SEMA4A: variants seen among roughly 807,000 people sequenced by gnomAD.
The protein encoded by SEMA4A is semaphorin-4A.
Under a neutral mutation model 72.5 loss-of-function variants are expected in SEMA4A, and 52 were observed. The ratio of observed to expected loss-of-function variants is 0.72; its 90% confidence interval spans 0.57 to 0.90. SEMA4A has a LOEUF of 0.90. SEMA4A is among the 40% of genes least tolerant of loss of function. The pLI is 0.00. For missense variants in SEMA4A, 926 were observed against 959.7 expected (o/e 0.96, Z 0.46); for synonymous variants, 369 against 393.1 (o/e 0.94, Z 0.73).
chr1:156,163,124 T>C, intron 10 of SEMA4A, 30 bp downstream of exon 10: 1 of 1,613,200 alleles, frequency 6.2e-7, no homozygotes, highest in Non-Finnish European at 8.5e-7. Context: ...CTGAGCACAG[T>C]CTACACATAC....
intron 11 of SEMA4A, among the ~76,000 whole-genome samples, chr1:156,173,570 A>C (rs886412462): frequency 1.2e-4 from 18 of 152,038 alleles, no homozygotes; most frequent in African/African-American, 4.1e-4. Context: ...AGGCGGCCAG[A>C]GTCCAGGACA....
intron 8 of SEMA4A, 156 bp downstream of exon 8, chr1:156,161,185 C>T (rs1184978821): frequency 6.4e-6 from 2 of 312,148 alleles, no homozygotes; most frequent in African/African-American, 3.5e-5. Context: ...CGGGGCTGGG[C>T]GGGTGGGGCG....
At chr1:156,169,650 G>C (rs1008308831) in intron 10 of SEMA4A, among the ~76,000 whole-genome samples, 3 of 150,304 alleles carry the variant, frequency 2.0e-5, no homozygotes, top group Non-Finnish European at 4.4e-5. Context: ...TCGATCTCCT[G>C]ACCTCGTGAT....
chr1:156,167,908 T>TTTTTTTGTTTGTTTG (rs1654326191), intron 10 of SEMA4A, among the ~76,000 whole-genome samples: 1 of 125,842 alleles, frequency 7.9e-6, no homozygotes, highest in Admixed American at 8.1e-5. Flanking sequence ...TTCCTCTTAG[T>TTTTTTTGTTTGTTTG]TTTTTTGTTT....
In SEMA4A at chr1:156,156,432, T is replaced by C; in HGVS notation, c.158T>C (p.Leu53Pro). 1 of 1,614,132 alleles carries C rather than the reference T, an allele frequency of 6.2e-7. No homozygotes were observed. The highest frequency in any genetic ancestry group is 8.5e-7 in the Non-Finnish European group (1 of 1,179,978). The change falls in exon 3 of 15, where the codon CTT becomes CCT. Residue 53 changes from leucine to proline, a missense_variant. Transcript: ENST00000368285. ...CCAACAGGGGATGAACGTAGGGCAC[T>C]TAGCTTCTTCCACCAGAAGGGCCTC... The part of the protein sequence containing the change: ...RYYAGDERRA[L>P]SFFHQKGLQD...
intron 8 of SEMA4A, 73 bp from the exon 9 acceptor site, chr1:156,161,273 G>T: frequency 1.0e-6 from 1 of 961,388 alleles, no homozygotes; most frequent in Non-Finnish European, 1.5e-6. Context: ...CGAGCTGCGG[G>T]GGGCGGGGAG....
At position 156,175,217 on chromosome 1, in the gene SEMA4A, C is replaced by G; in HGVS notation, c.1566C>G (p.Thr522=). 6.2e-7 allele frequency: 1 copy of G among 1,613,326 alleles called. No individual in the cohort carries two copies. Among genetic ancestry groups the G allele is most frequent in the Non-Finnish European group, 8.5e-7 (1 of 1,179,498 alleles). The change falls in exon 13 of 15, where the codon ACC becomes ACG. Residue 522 remains threonine, a synonymous_variant. Transcript: ENST00000368285. ...PHCAWDPESR[T]CCLLSAPNLN... is the part of the protein sequence containing the mutation. ...GTGCCTGGGACCCTGAGTCCCGAACCTGTTGCCTCCTGTCTGCCCCCAACC... is the reference window on the plus strand; with the variant it reads ...GTGCCTGGGACCCTGAGTCCCGAACGTGTTGCCTCCTGTCTGCCCCCAACC...
rs553325628 is a variant in SEMA4A at position 156,172,225 on chromosome 1, C to G, written c.1135-601C>G. Among the ~76,000 whole-genome samples the G allele has an allele frequency of 8.1e-4, 124 of 152,206 alleles. 1 individual carries two copies. The highest frequency in any genetic ancestry group is 9.8e-4 in the Non-Finnish European group (67 of 68,028). ...CTCTGCCTTCTGGGTTCAAGTGATTCTCCTGCCTCAGCCTTCTAAGTAGCT... is the reference window on the plus strand; with the variant it reads ...CTCTGCCTTCTGGGTTCAAGTGATTGTCCTGCCTCAGCCTTCTAAGTAGCT... On this transcript the variant is annotated intron_variant, in intron 10 of 14. Coordinates refer to ENST00000368285, the MANE Select transcript of SEMA4A (RefSeq NM_022367.4).
At chr1:156,159,295 C>T (rs1206120995) in intron 6 of SEMA4A, among the ~76,000 whole-genome samples, 2 of 152,132 alleles carry the variant, frequency 1.3e-5, no homozygotes, top group East Asian at 1.9e-4. Context: ...GATCGCGCCA[C>T]TGCACTCCAG....
rs777396925 is a variant in SEMA4A at position 156,176,522 on chromosome 1, C to T, written c.1811C>T (p.Thr604Ile). The T allele has an allele frequency of 3.7e-6, 6 of 1,614,170 alleles. No homozygotes were observed. The highest frequency in any genetic ancestry group is 5.1e-6 in the Non-Finnish European group (6 of 1,180,024). The change falls in exon 15 of 15, where the codon ACT (threonine) becomes ATT (isoleucine). Residue 604 changes from threonine to isoleucine, a missense_variant. By Grantham distance (89) the Thr-to-Ile change is moderately conservative. Coordinates refer to ENST00000368285, the MANE Select transcript of SEMA4A (RefSeq NM_022367.4). ...GCAGCAGTCCCAGAAGCCTCTTCCACTGTCTACAATGGCTCCCTCTTGCTG... is the reference window on the plus strand; with the variant it reads ...GCAGCAGTCCCAGAAGCCTCTTCCATTGTCTACAATGGCTCCCTCTTGCTG... ...GPAAVPEASSTVYNGSLLLIV... is the reference protein window; with the variant it reads ...GPAAVPEASSIVYNGSLLLIV...
At chr1:156,159,114 A>G (rs1475745682) in intron 6 of SEMA4A, 3 of 432,202 alleles carry the variant, frequency 6.9e-6, no homozygotes, top group Admixed American at 3.7e-5. Flanking sequence ...TGGGTGGATC[A>G]TGTGACCCCA....
intron 1 of SEMA4A, 64 bp from the exon 2 acceptor site, chr1:156,154,486 G>C: frequency 2.8e-6 from 4 of 1,447,026 alleles, no homozygotes; most frequent in Non-Finnish European, 3.8e-6. Context: ...CTCTCCTATT[G>C]GTCCTCGGGG....
chr1:156,161,205 C>G (rs1282429405), intron 8 of SEMA4A, 141 bp from the exon 9 acceptor site: 1 of 363,066 alleles, frequency 2.8e-6, no homozygotes, highest in Non-Finnish European at 4.6e-6. Context: ...GGGGGACAAG[C>G]GTGGCTGAGG....
In SEMA4A at chr1:156,158,423, T is replaced by C. The variant is rs1558148328; in HGVS notation, c.399T>C (p.Ser133=). Residue 133 remains serine, a synonymous_variant, in exon 5 of 15, where the codon TCT becomes TCC. Coordinates refer to ENST00000368285, the MANE Select transcript of SEMA4A (RefSeq NM_022367.4). ...TCAACTTCATCCGTGTCCTGGTTTC[T>C]TACAATGTCACCCATCTCTACACCT... ...QCFNFIRVLV[S]YNVTHLYTCG... 1 of 1,614,104 alleles carries C rather than the reference T, an allele frequency of 6.2e-7. No homozygotes were observed. Among genetic ancestry groups the C allele is most frequent in the Non-Finnish European group, 8.5e-7 (1 of 1,179,982 alleles).
Position 156,161,479 on chromosome 1 carries a change from C to T in SEMA4A, c.944C>T (p.Pro315Leu), listed in dbSNP as rs147148406. Reference sequence around the variant, plus strand: ...GCGGTCCTGCTCCCCGCCGATTCTCCCACAGCTCCCCACATCTACGCAGTC... The same window carrying T: ...GCGGTCCTGCTCCCCGCCGATTCTCTCACAGCTCCCCACATCTACGCAGTC... ...RHAVLLPADSPTAPHIYAVFT... is the reference protein window; with the variant it reads ...RHAVLLPADSLTAPHIYAVFT... Residue 315 changes from proline to leucine, a missense_variant, in exon 9 of 15, where the codon CCC (proline) becomes CTC (leucine). Coordinates refer to ENST00000368285, the MANE Select transcript of SEMA4A (RefSeq NM_022367.4). 3.8e-5 allele frequency: 62 copies of T among 1,613,922 alleles called. No homozygotes were observed. Among genetic ancestry groups the T allele is most frequent in the Middle Eastern group, 1.7e-4 (1 of 6,060 alleles).
rs982774457 is a variant in SEMA4A at position 156,161,475 on chromosome 1, T to C, written c.940T>C (p.Ser314Pro). The change falls in exon 9 of 15, where the codon TCT (serine) becomes CCT (proline). Residue 314 changes from serine (S) to proline (P), a missense_variant. By Grantham distance (74) the Ser-to-Pro change is moderately conservative. Transcript: ENST00000368285. ...IRHAVLLPADSPTAPHIYAVF... is the reference protein window; with the variant it reads ...IRHAVLLPADPPTAPHIYAVF... Reference sequence around the variant, plus strand: ...CCACGCGGTCCTGCTCCCCGCCGATTCTCCCACAGCTCCCCACATCTACGC... The same window carrying C: ...CCACGCGGTCCTGCTCCCCGCCGATCCTCCCACAGCTCCCCACATCTACGC... 5.0e-6 allele frequency: 8 copies of C among 1,613,832 alleles called. No homozygotes were observed. The African/African-American group carries it at 1.1e-4, about 22-fold the overall frequency.
At chr1:156,147,929 C>A (rs1652226534), upstream of SEMA4A, among the ~76,000 whole-genome samples, 1 of 152,192 alleles carries the variant, frequency 6.6e-6, no homozygotes, top group South Asian at 2.1e-4. Context: ...GTGGCTATGG[C>A]CACCACCCTG....
chr1:156,147,616 C>T (rs925068765), upstream of SEMA4A, among the ~76,000 whole-genome samples: 2 of 151,900 alleles, frequency 1.3e-5, no homozygotes, highest in African/African-American at 2.4e-5. Context: ...AGGGGCATAT[C>T]CTAAGGAGCA....
chr1:156,154,325 G>A lies in SEMA4A; in HGVS notation c.-29-225G>A, dbSNP rs376717347. ...GAAGAAGCAGGATAGGGGAGACCTG[G>A]GCTCCTACCCATAGGGGACAGTGAG... is the stretch of plus-strand genomic sequence containing the variant. On this transcript the variant is annotated intron_variant, in intron 1 of 14. Transcript: ENST00000368285. The A allele has an allele frequency of 4.6e-4, 261 of 573,056 alleles. 1 individual carries two copies. The South Asian group carries it at 5.2e-3, about 11-fold the overall frequency. The allele number at this position is 573,056 out of a possible 1,614,324, so 35.5% of individuals were successfully genotyped here.
Sources: gnomAD v4.1 joint callset for allele counts (sites outside exome capture counted in the v4.1 genomes callset) on GRCh38, gnomAD v4.1.1 for gene constraint, MANE v1.5 for transcripts, NCBI Gene and HGNC (gene_info 2026-07-23, HGNC 2026-07-21) for gene names.